Variants in C17orf67 observed in about 807,000 individuals in gnomAD.
C17orf67 encodes uncharacterized protein C17orf67.
Under a neutral mutation model 11.2 loss-of-function variants are expected in C17orf67, and 12 were observed. That is an observed-to-expected ratio of 1.07 (90% CI 0.68 to 1.73). C17orf67 has a LOEUF of 1.73. C17orf67 is among the 40% of genes most tolerant of loss of function. The probability of loss-of-function intolerance (pLI) is 0.00; values close to 1 mark genes in which losing one functional copy is unlikely to be tolerated. For synonymous variants in C17orf67, 59 were observed against 46.9 expected (o/e 1.26, Z -1.05); for missense variants, 115 against 113.5 (o/e 1.01, Z -0.06).
At chr17:56,815,715 T>G (rs530882328) in intron 5 of C17orf67, 41 bp downstream of exon 5, 1 of 1,545,872 alleles carries the variant, frequency 6.5e-7, no homozygotes, top group East Asian at 2.3e-5. Context: ...TTATTTATCA[T>G]GTCAGCATAG....
chr17:56,796,185 T>C (rs1301936311), intron 6 of C17orf67, among the ~76,000 whole-genome samples: 1 of 152,216 alleles, frequency 6.6e-6, no homozygotes, highest in Admixed American at 6.5e-5. Flanking sequence ...GCAACTGTAC[T>C]TGTAGGTATA....
At chr17:56,796,127 A>C (rs1490529822) in intron 6 of C17orf67, among the ~76,000 whole-genome samples, 1 of 152,244 alleles carries the variant, frequency 6.6e-6, no homozygotes, top group Non-Finnish European at 1.5e-5. Flanking sequence ...ATAGTCTGGC[A>C]GTTCCTTACA....
In C17orf67 at chr17:56,831,209, G is replaced by C. The variant is rs555101522; in HGVS notation, c.-557+1689C>G. Among the ~76,000 whole-genome samples, 25 of 152,290 alleles carry C rather than the reference G, an allele frequency of 1.6e-4. No individual in the cohort carries two copies. The South Asian group carries it at 3.1e-3, about 19-fold the overall frequency. Reference sequence around the variant, plus strand: ...AGCTGGACCAGGGGAGTAGTGGAGGGGGGGATGGAGAGATGGGCTCGAGTC... The same window carrying C: ...AGCTGGACCAGGGGAGTAGTGGAGGCGGGGATGGAGAGATGGGCTCGAGTC... On this transcript the variant is annotated intron_variant, in intron 2 of 7. Coordinates refer to ENST00000397861, the MANE Select transcript of C17orf67 (RefSeq NM_001085430.4).
intron 2 of C17orf67, 30 bp downstream of exon 2, chr17:56,832,866 GCA>G (rs1241593784): frequency 6.6e-6 from 1 of 152,130 alleles, no homozygotes; most frequent in Admixed American, 6.5e-5. Flanking sequence ...GCATATATAT[GCA>G]CACATAATAA....
intron 5 of C17orf67, among the ~76,000 whole-genome samples, chr17:56,815,332 C>T (rs995735429): frequency 1.3e-5 from 2 of 152,098 alleles, no homozygotes; most frequent in Non-Finnish European, 1.5e-5. Context: ...AGTTTAAAGT[C>T]ATTACTGGAA....
intron 2 of C17orf67, among the ~76,000 whole-genome samples, chr17:56,826,042 C>A (rs567995104): frequency 6.6e-6 from 1 of 152,266 alleles, no homozygotes; most frequent in Non-Finnish European, 1.5e-5. Context: ...GCAACCTCCA[C>A]CTCCTGAACT....
At chr17:56,794,885 CTA>C (rs1317933090) in intron 7 of C17orf67, among the ~76,000 whole-genome samples, 157 bp downstream of exon 7, 1 of 152,026 alleles carries the variant, frequency 6.6e-6, no homozygotes, top group African/African-American at 2.4e-5. Context: ...TGGCTCCCCA[CTA>C]TGTCTCCTGC....
chr17:56,808,511 T>C (rs148264277), intron 6 of C17orf67, among the ~76,000 whole-genome samples: 25 of 152,214 alleles, frequency 1.6e-4, no homozygotes, highest in African/African-American at 5.8e-4. Flanking sequence ...TCCCTCTCCA[T>C]CCCCTCTGGG....
At chr17:56,801,251 C>T (rs1905314575) in intron 6 of C17orf67, among the ~76,000 whole-genome samples, 1 of 152,164 alleles carries the variant, frequency 6.6e-6, no homozygotes, top group South Asian at 2.1e-4. Context: ...AGTGGCATTT[C>T]ACCTTAGGAA....
At chr17:56,808,600 G>C (rs1275354293) in intron 6 of C17orf67, among the ~76,000 whole-genome samples, 1 of 152,144 alleles carries the variant, frequency 6.6e-6, no homozygotes, top group African/African-American at 2.4e-5. Flanking sequence ...CTACAGTACA[G>C]GGTTACCCAG....
At chr17:56,822,632 T>C (rs117238553) in intron 4 of C17orf67, among the ~76,000 whole-genome samples, 1,932 of 152,360 alleles carry the variant, frequency 0.013, 16 homozygotes, top group Non-Finnish European at 0.019. Flanking sequence ...TCTCTTTGCA[T>C]ATGCACTCTA....
intron 6 of C17orf67, among the ~76,000 whole-genome samples, chr17:56,804,448 C>T (rs1422541360): frequency 2.0e-5 from 3 of 152,306 alleles, no homozygotes; most frequent in African/African-American, 7.2e-5. Flanking sequence ...CTTAACTGCA[C>T]TGGAATACTG....
chr17:56,796,299 C>T (rs1567791540), intron 6 of C17orf67, among the ~76,000 whole-genome samples: 1 of 152,188 alleles, frequency 6.6e-6, no homozygotes, highest in Non-Finnish European at 1.5e-5. Flanking sequence ...CCCAAATGTC[C>T]ACCAATAAAT....
chr17:56,794,435 G>T (rs1026786891), intron 7 of C17orf67, among the ~76,000 whole-genome samples: 2 of 152,068 alleles, frequency 1.3e-5, no homozygotes, highest in African/African-American at 4.8e-5. Context: ...GGACAGACAG[G>T]GAGAAGCAAA....
At chr17:56,813,298 A>G (rs1455784556) in intron 6 of C17orf67, among the ~76,000 whole-genome samples, 1 of 141,726 alleles carries the variant, frequency 7.1e-6, no homozygotes, top group Non-Finnish European at 1.5e-5. Flanking sequence ...CCCTTCCTTC[A>G]CCCCAGCCCC....
chr17:56,816,287 G>C (rs542797914), intron 4 of C17orf67, among the ~76,000 whole-genome samples: 30 of 152,346 alleles, frequency 2.0e-4, no homozygotes, highest in Admixed American at 5.2e-4. Context: ...CAAGGGGCAT[G>C]ATGAGTGGGG....
chr17:56,824,015 GAC>G (rs1905967116), intron 4 of C17orf67, among the ~76,000 whole-genome samples: 1 of 152,230 alleles, frequency 6.6e-6, no homozygotes, highest in African/African-American at 2.4e-5. Flanking sequence ...TTATCTTAAT[GAC>G]TGCTATGATT....
At chr17:56,816,163 A>C (rs577177027) in intron 4 of C17orf67, among the ~76,000 whole-genome samples, 153 bp from the exon 5 acceptor site, 24 of 152,306 alleles carry the variant, frequency 1.6e-4, no homozygotes, top group African/African-American at 5.5e-4. Flanking sequence ...CTCCTGTTTC[A>C]TTGAGAATTC....
chr17:56,830,894 T>C (rs1425254082), intron 2 of C17orf67, among the ~76,000 whole-genome samples: 2 of 151,944 alleles, frequency 1.3e-5, no homozygotes, highest in African/African-American at 2.4e-5. Context: ...AACGAAGACA[T>C]AGGGAAGAAC....
Sources: allele counts gnomAD v4.1 joint callset (sites outside exome capture counted in the v4.1 genomes callset), GRCh38; gene constraint gnomAD v4.1.1; transcripts MANE v1.5; gene names NCBI Gene and HGNC (gene_info 2026-07-23, HGNC 2026-07-21).